Variants in ROBO1 observed in about 807,000 individuals in gnomAD.
ROBO1 encodes the protein roundabout homolog 1.
Under a neutral mutation model 195.9 loss-of-function variants are expected in ROBO1, and 149 were observed. The ratio of observed to expected loss-of-function variants is 0.76; its 90% CI spans 0.67 to 0.87. The LOEUF is 0.87. ROBO1 is among the 40% of genes least tolerant of loss of function. ROBO1 has a pLI of 0.00. For missense variants in ROBO1, 1,933 were observed against 2,068.3 expected, an observed-to-expected ratio of 0.93 and a Z score of 1.27; for synonymous variants, 816 against 733.2, an observed-to-expected ratio of 1.11 and a Z score of -1.82.
chr3:79,321,317 C>G (rs2033972760), intron 2 of ROBO1, among the ~76,000 whole-genome samples: 1 of 151,984 alleles, frequency 6.6e-6, no homozygotes, highest in African/African-American at 2.4e-5. Context: ...TCTAAAATGC[C>G]TAAGTGATTA....
intron 2 of ROBO1, among the ~76,000 whole-genome samples, chr3:79,572,075 C>T (rs573563099): frequency 4.6e-5 from 7 of 152,140 alleles, no homozygotes; most frequent in Admixed American, 2.0e-4. Context: ...GTGGGTGCAG[C>T]GCACCAGCAT....
chr3:79,082,952 G>A (rs1415444592), intron 3 of ROBO1, among the ~76,000 whole-genome samples: 2 of 152,176 alleles, frequency 1.3e-5, no homozygotes, highest in African/African-American at 2.4e-5. Context: ...CTATCATGCA[G>A]TTGATTTCTA....
At chr3:79,438,819 C>T (rs901149514) in intron 2 of ROBO1, among the ~76,000 whole-genome samples, 8 of 151,832 alleles carry the variant, frequency 5.3e-5, no homozygotes, top group Non-Finnish European at 7.4e-5. Flanking sequence ...TTTCTTCCAC[C>T]AGAGTCTTGG....
chr3:79,027,619 C>T (rs1373709052), intron 3 of ROBO1, among the ~76,000 whole-genome samples: 2 of 151,980 alleles, frequency 1.3e-5, no homozygotes, highest in African/African-American at 4.8e-5. Context: ...TATAAACCTA[C>T]TGTCTTAACA....
chr3:78,624,182 A>G (rs1704619363), intron 26 of ROBO1, among the ~76,000 whole-genome samples: 1 of 152,208 alleles, frequency 6.6e-6, no homozygotes, highest in Non-Finnish European at 1.5e-5. Context: ...CAAGCAATAT[A>G]TAAGTAGAGA....
chr3:79,652,769 C>CA (rs1014235779), intron 1 of ROBO1, among the ~76,000 whole-genome samples: 11 of 151,804 alleles, frequency 7.2e-5, no homozygotes, highest in South Asian at 2.1e-4. Flanking sequence ...AAAATAAATA[C>CA]AAAAAAATTG....
chr3:79,639,911 G>C (rs905570429), intron 1 of ROBO1, among the ~76,000 whole-genome samples: 1 of 152,062 alleles, frequency 6.6e-6, no homozygotes, highest in Non-Finnish European at 1.5e-5. Flanking sequence ...TCAGTGATTC[G>C]ATTCTTTGAT....
At chr3:79,522,490 T>C (rs1484106417) in intron 2 of ROBO1, among the ~76,000 whole-genome samples, 1 of 152,216 alleles carries the variant, frequency 6.6e-6, no homozygotes, top group Non-Finnish European at 1.5e-5. Flanking sequence ...TCTGAAATCC[T>C]GGAGTCATCA....
At chr3:79,275,432 C>G (rs929880691) in intron 2 of ROBO1, among the ~76,000 whole-genome samples, 2 of 151,700 alleles carry the variant, frequency 1.3e-5, no homozygotes, top group Non-Finnish European at 2.9e-5. Flanking sequence ...TTTCAACATC[C>G]CTTCATGAAA....
At chr3:79,006,944 T>C (rs1368427492) in intron 3 of ROBO1, among the ~76,000 whole-genome samples, 2 of 152,090 alleles carry the variant, frequency 1.3e-5, no homozygotes, top group Admixed American at 6.6e-5. Flanking sequence ...ATTTATAAAA[T>C]GCAAGATTTG....
chr3:78,932,018 A>C (rs2039559127), intron 4 of ROBO1, among the ~76,000 whole-genome samples: 1 of 152,174 alleles, frequency 6.6e-6, no homozygotes, highest in Admixed American at 6.5e-5. Flanking sequence ...TGAGAGCTTC[A>C]GTTAAACTCT....
At chr3:79,543,182 C>T (rs1030946023) in intron 2 of ROBO1, among the ~76,000 whole-genome samples, 5 of 152,034 alleles carry the variant, frequency 3.3e-5, no homozygotes, top group Admixed American at 6.6e-5. Context: ...CTACAGAACA[C>T]GCTTGGAATC....
chr3:79,498,550 T>C (rs1387269250), intron 2 of ROBO1, among the ~76,000 whole-genome samples: 1 of 152,154 alleles, frequency 6.6e-6, no homozygotes, highest in African/African-American at 2.4e-5. Context: ...GCGCAACTAA[T>C]AGTATAAAAA....
intron 2 of ROBO1, among the ~76,000 whole-genome samples, chr3:79,323,591 C>T (rs977109159): frequency 6.6e-6 from 1 of 152,108 alleles, no homozygotes; most frequent in Non-Finnish European, 1.5e-5. Flanking sequence ...TGTTAAATAT[C>T]ATTTGTAGAG....
At chr3:79,203,585 G>T (rs1464552139) in intron 2 of ROBO1, among the ~76,000 whole-genome samples, 2 of 152,154 alleles carry the variant, frequency 1.3e-5, no homozygotes, top group Admixed American at 6.6e-5. Flanking sequence ...TCTTGGCATG[G>T]ATTTTTGTCT....
At chr3:79,090,053 C>A (rs2108486543) in intron 3 of ROBO1, among the ~76,000 whole-genome samples, 1 of 151,968 alleles carries the variant, frequency 6.6e-6, no homozygotes, top group East Asian at 1.9e-4. Flanking sequence ...AATTCTCCTG[C>A]CTCAGCCTCC....
intron 4 of ROBO1, among the ~76,000 whole-genome samples, chr3:78,911,804 C>A (rs1433463588): frequency 1.3e-5 from 2 of 151,988 alleles, no homozygotes; most frequent in Non-Finnish European, 2.9e-5. Context: ...CAGAATCTAA[C>A]AACATTTCAT....
At chr3:79,755,512 CAG>C (rs1704340058) in intron 1 of ROBO1, among the ~76,000 whole-genome samples, 1 of 152,132 alleles carries the variant, frequency 6.6e-6, no homozygotes, top group Non-Finnish European at 1.5e-5. Flanking sequence ...CAGTCAGTCT[CAG>C]GGAGGGTTTT....
At chr3:79,361,528 C>T (rs910170281) in intron 2 of ROBO1, among the ~76,000 whole-genome samples, 5 of 150,902 alleles carry the variant, frequency 3.3e-5, no homozygotes, top group African/African-American at 9.9e-5. Context: ...CATTAAATAA[C>T]GATTTAATAC....
Sources: gnomAD v4.1 joint callset for allele counts (sites outside exome capture counted in the v4.1 genomes callset) on GRCh38, gnomAD v4.1.1 for gene constraint, MANE v1.5 for transcripts, NCBI Gene and HGNC (gene_info 2026-07-23, HGNC 2026-07-21) for gene names.